Variants in OOSP3 observed in about 807,000 individuals in gnomAD.
OOSP3 encodes the protein oocyte secreted protein family member 3.
exon 1 of OOSP3, chr11:59,878,866 T>C (rs11230097): frequency 0.15 from 58,676 of 398,436 alleles, 5,075 homozygotes; most frequent in South Asian, 0.19. Context: ...TTTGACTCTT[T>C]CTGAGCAAGA....
At chr11:59,890,146 C>T (rs1452163062) in intron 2 of OOSP3, among the ~76,000 whole-genome samples, 2 of 152,048 alleles carry the variant, frequency 1.3e-5, no homozygotes, top group Admixed American at 1.3e-4. Flanking sequence ...TTCCTCCATC[C>T]CTTTATTTTT....
At chr11:59,892,471 T>G (rs187135503) in intron 2 of OOSP3, among the ~76,000 whole-genome samples, 4 of 152,320 alleles carry the variant, frequency 2.6e-5, no homozygotes, top group Admixed American at 2.6e-4. Context: ...CTTGGCCATC[T>G]AGGCGTCTCC....
At chr11:59,888,512 T>C (rs111764455) in intron 2 of OOSP3, among the ~76,000 whole-genome samples, 1 of 152,350 alleles carries the variant, frequency 6.6e-6, no homozygotes, top group African/African-American at 2.4e-5. Flanking sequence ...CATGAAGGGA[T>C]GTTGAATTTT....
At chr11:59,886,814 G>A (rs890808371) in intron 2 of OOSP3, among the ~76,000 whole-genome samples, 39 of 141,958 alleles carry the variant, frequency 2.7e-4, no homozygotes, top group African/African-American at 7.8e-4. Flanking sequence ...TTTTTGATAC[G>A]GAGTCTTGCT....
chr11:59,887,124 GTT>G (rs71036546), intron 2 of OOSP3, among the ~76,000 whole-genome samples: 1 of 142,642 alleles, frequency 7.0e-6, no homozygotes. Context: ...TTTTTTTGTT[GTT>G]TTTTTTTTTG....
At chr11:59,882,692 A>G (rs1245457952) in intron 2 of OOSP3, among the ~76,000 whole-genome samples, 1 of 152,216 alleles carries the variant, frequency 6.6e-6, no homozygotes, top group Non-Finnish European at 1.5e-5. Flanking sequence ...AGTGGTTTTT[A>G]GTACATTGAC....
At chr11:59,896,250 A>T (rs1484451414) in exon 5 of OOSP3, 3 of 398,170 alleles carry the variant, frequency 7.5e-6, no homozygotes, top group Non-Finnish European at 1.3e-5. Flanking sequence ...CTGTTGCTAC[A>T]GCTTACTTAA....
chr11:59,882,419 A>G (rs1489917228), intron 2 of OOSP3, among the ~76,000 whole-genome samples: 1 of 152,212 alleles, frequency 6.6e-6, no homozygotes, highest in African/African-American at 2.4e-5. Context: ...TACAAAAGCA[A>G]TGTTAATATT....
exon 4 of OOSP3, chr11:59,895,541 T>C: frequency 2.5e-6 from 1 of 398,420 alleles, no homozygotes; most frequent in South Asian, 1.3e-4. Context: ...TCCATAACAA[T>C]CTTACAGAAT....
chr11:59,888,713 G>A (rs1388149561), intron 2 of OOSP3, among the ~76,000 whole-genome samples: 6 of 152,106 alleles, frequency 3.9e-5, no homozygotes, highest in African/African-American at 1.4e-4. Flanking sequence ...ATTTTATTGA[G>A]GATTTTTGCA....
At chr11:59,886,993 C>T (rs1032376387) in intron 2 of OOSP3, among the ~76,000 whole-genome samples, 1 of 151,994 alleles carries the variant, frequency 6.6e-6, no homozygotes, top group Non-Finnish European at 1.5e-5. Context: ...CTGGGTTTCA[C>T]AATGTTGGCC....
chr11:59,891,698 G>A (rs890141135), intron 2 of OOSP3, among the ~76,000 whole-genome samples: 3 of 152,214 alleles, frequency 2.0e-5, no homozygotes, highest in Admixed American at 2.0e-4. Context: ...GAGGTGTCTG[G>A]CAACCCCTGT....
intron 2 of OOSP3, among the ~76,000 whole-genome samples, chr11:59,884,896 C>T (rs187948162): frequency 2.6e-4 from 39 of 152,264 alleles, no homozygotes; most frequent in Middle Eastern, 3.4e-3. Context: ...CTAGCTAGAA[C>T]CTCCAGTACA....
intron 3 of OOSP3, among the ~76,000 whole-genome samples, chr11:59,894,787 C>G (rs1213647400): frequency 6.6e-6 from 1 of 152,156 alleles, no homozygotes; most frequent in Non-Finnish European, 1.5e-5. Context: ...GATCATGTAG[C>G]TAGGGAATGG....
exon 2 of OOSP3, chr11:59,880,425 G>A (rs769701788): frequency 7.5e-6 from 3 of 398,404 alleles, no homozygotes; most frequent in African/African-American, 2.1e-5. Context: ...CACTCAGTGT[G>A]GGATTCAGAA....
intron 2 of OOSP3, among the ~76,000 whole-genome samples, chr11:59,892,544 T>G (rs967649884): frequency 6.6e-6 from 1 of 152,200 alleles, no homozygotes; most frequent in Non-Finnish European, 1.5e-5. Context: ...TTTTTTTACA[T>G]GTTTGATAGA....
intron 2 of OOSP3, among the ~76,000 whole-genome samples, chr11:59,889,078 G>C (rs1853287050): frequency 6.6e-6 from 1 of 151,994 alleles, no homozygotes; most frequent in African/African-American, 2.4e-5. Flanking sequence ...AGATTTTCTA[G>C]TTTGAGGTGT....
At chr11:59,885,146 T>C (rs1853241749) in intron 2 of OOSP3, among the ~76,000 whole-genome samples, 1 of 152,220 alleles carries the variant, frequency 6.6e-6, no homozygotes, top group African/African-American at 2.4e-5. Context: ...TTTTGCCCTT[T>C]CTTCTATTAA....
Position 59,880,454 on chromosome 11 carries a change from C to T in OOSP3, c.252+15C>T. ...TTCAGAAAGAGGTAAGAGCTGCAAGCAGTTCAAATAATAAACTAACCCCTA... is the reference window on the plus strand; with the variant it reads ...TTCAGAAAGAGGTAAGAGCTGCAAGTAGTTCAAATAATAAACTAACCCCTA... On this transcript the variant is annotated intron_variant, in intron 2 of 4. Transcript: ENST00000646438. The T allele has an allele frequency of 2.5e-6, 1 of 398,492 alleles. No individual in the cohort carries two copies. Among genetic ancestry groups the T allele is most frequent in the Non-Finnish European group, 4.4e-6 (1 of 226,014 alleles). 24.7% of individuals were successfully genotyped at this position (398,492 alleles called of 1,614,324 possible). A position where few individuals can be genotyped will look rare whatever the true frequency, so the allele number is the denominator to read the frequency against.
Sources: allele counts gnomAD v4.1 joint callset (sites outside exome capture counted in the v4.1 genomes callset), GRCh38; gene constraint gnomAD v4.1.1; transcripts MANE v1.5; gene names NCBI Gene and HGNC (gene_info 2026-07-23, HGNC 2026-07-21).